The following TRAPPC13 variants were observed in gnomAD, a reference collection of about 807,000 sequenced individuals.
The protein encoded by TRAPPC13 is trafficking protein particle complex subunit 13.
In TRAPPC13, 39 loss-of-function variants were observed where a neutral mutation model predicts 54.0. The ratio of observed to expected loss-of-function variants is 0.72; its 90% CI spans 0.56 to 0.94. The LOEUF is 0.94. TRAPPC13 is among the 40% of genes least tolerant of loss of function. The pLI is 0.00. For missense variants in TRAPPC13, 386 were observed against 488.1 expected (o/e 0.79, Z 1.97); for synonymous variants, 148 against 167.7 (o/e 0.88, Z 0.91).
chr5:65,652,594 A>G, intron 7 of TRAPPC13, 49 bp downstream of exon 7: 1 of 1,335,770 alleles, frequency 7.5e-7, no homozygotes, highest in South Asian at 1.2e-5. Flanking sequence ...TTAAGATCGT[A>G]TTTGACTAAA....
intron 7 of TRAPPC13, among the ~76,000 whole-genome samples, chr5:65,654,715 C>G (rs914004249): frequency 1.3e-5 from 2 of 152,110 alleles, no homozygotes; most frequent in Admixed American, 1.3e-4. Context: ...TCTAATAATG[C>G]TGTAATATGT....
At chr5:65,632,886 C>T (rs1205599570) in intron 1 of TRAPPC13, among the ~76,000 whole-genome samples, 1 of 152,112 alleles carries the variant, frequency 6.6e-6, no homozygotes, top group Non-Finnish European at 1.5e-5. Flanking sequence ...AAAATAATGT[C>T]AGTTATTTAG....
In TRAPPC13 at chr5:65,665,652, T is replaced by C. The variant is rs1757012181; in HGVS notation, c.*1041T>C. The C allele has an allele frequency of 6.6e-6, 1 of 152,156 alleles. No homozygotes were observed. 9.4% of individuals were successfully genotyped at this position (152,156 alleles called of 1,614,324 possible). A position where few individuals can be genotyped will look rare whatever the true frequency, so the allele number is the denominator to read the frequency against. On this transcript the variant is annotated 3_prime_UTR_variant, in exon 13 of 13. Transcript: ENST00000399438. ...ATTTTTATAAGGTATATTTAAATAA[T>C]TCCCATCTTCTGATATGATTTTAAA...
In TRAPPC13 at chr5:65,635,389, C is replaced by T. The variant is rs770917189; in HGVS notation, c.115+20C>T. Reference sequence around the variant, plus strand: ...TACCTGGTATGGCACATGCTTTCCTCTATTTGCACCTAGGGAAAGGTTGAA... The same window carrying T: ...TACCTGGTATGGCACATGCTTTCCTTTATTTGCACCTAGGGAAAGGTTGAA... On this transcript the variant is annotated intron_variant, in intron 2 of 12. Coordinates refer to ENST00000399438, the MANE Select transcript of TRAPPC13 (RefSeq NM_024941.4). The T allele has an allele frequency of 1.9e-6, 3 of 1,594,708 alleles. No individual in the cohort carries two copies. The highest frequency in any genetic ancestry group is 4.5e-5 in the East Asian group (2 of 44,664).
At chr5:65,638,217 T>C (rs1755835683) in intron 4 of TRAPPC13, among the ~76,000 whole-genome samples, 1 of 152,216 alleles carries the variant, frequency 6.6e-6, no homozygotes, top group Admixed American at 6.5e-5. Flanking sequence ...TTAATTGTCA[T>C]TAACAAGCAC....
intron 4 of TRAPPC13, among the ~76,000 whole-genome samples, chr5:65,644,422 AC>A (rs1756101645): frequency 6.6e-6 from 1 of 152,132 alleles, no homozygotes; most frequent in African/African-American, 2.4e-5. Flanking sequence ...TGTTCAACTT[AC>A]TTAGAATAAG....
intron 4 of TRAPPC13, among the ~76,000 whole-genome samples, chr5:65,640,813 T>C (rs1755936088): frequency 1.3e-5 from 2 of 152,216 alleles, no homozygotes; most frequent in Admixed American, 1.3e-4. Flanking sequence ...AAACATGATT[T>C]TATATTTCAT....
chr5:65,639,379 GC>G (rs1755882559), intron 4 of TRAPPC13, among the ~76,000 whole-genome samples: 1 of 151,990 alleles, frequency 6.6e-6, no homozygotes, highest in Admixed American at 6.6e-5. Flanking sequence ...AAAAAAACAG[GC>G]CTGGCACAGT....
chr5:65,638,902 G>A (rs1165195094), intron 4 of TRAPPC13, among the ~76,000 whole-genome samples: 1 of 152,066 alleles, frequency 6.6e-6, no homozygotes, highest in African/African-American at 2.4e-5. Context: ...TGCCCAACGT[G>A]GTGAAATACC....
At position 65,640,003 on chromosome 5, in the gene TRAPPC13, C is replaced by T. The variant is rs561006265; in HGVS notation, c.300+2223C>T. Among the ~76,000 whole-genome samples the T allele has an allele frequency of 7.2e-5, 11 of 152,188 alleles. No homozygotes were observed. The East Asian group carries it at 1.5e-3, about 21-fold the overall frequency. ...CATAGAGTTTTAAAGTTAACAAGGA[C>T]GTTAGAGAGCAAATAGACCCAACTT... On this transcript the variant is annotated intron_variant, in intron 4 of 12. Coordinates refer to ENST00000399438, the MANE Select transcript of TRAPPC13 (RefSeq NM_024941.4).
chr5:65,647,396 A>AT (rs1224689592), intron 5 of TRAPPC13, among the ~76,000 whole-genome samples: 1 of 152,012 alleles, frequency 6.6e-6, no homozygotes, highest in Non-Finnish European at 1.5e-5. Flanking sequence ...CTCTAGTTTT[A>AT]TTTTTTTACA....
At chr5:65,650,293 C>T (rs1756379711) in intron 5 of TRAPPC13, among the ~76,000 whole-genome samples, 1 of 150,982 alleles carries the variant, frequency 6.6e-6, no homozygotes, top group Non-Finnish European at 1.5e-5. Flanking sequence ...TCCTGAGTAG[C>T]TGGGATTACA....
chr5:65,649,981 C>T (rs1460679441), intron 5 of TRAPPC13, among the ~76,000 whole-genome samples: 4 of 150,624 alleles, frequency 2.7e-5, no homozygotes, highest in African/African-American at 7.3e-5. Context: ...CTCAGACTCC[C>T]GAGTAGCTGG....
chr5:65,636,231 C>T (rs1182096330), intron 3 of TRAPPC13, among the ~76,000 whole-genome samples, 188 bp downstream of exon 3: 1 of 151,450 alleles, frequency 6.6e-6, no homozygotes, highest in South Asian at 2.1e-4. Context: ...GCAACCTCCA[C>T]CTCCTGGGTT....
chr5:65,627,502 C>T (rs911897135), intron 1 of TRAPPC13, among the ~76,000 whole-genome samples: 1 of 152,006 alleles, frequency 6.6e-6, no homozygotes, highest in African/African-American at 2.4e-5. Flanking sequence ...TGATGGTGTG[C>T]ACCAGTGGTC....
At chr5:65,645,568 G>A (rs1306458804) in intron 4 of TRAPPC13, among the ~76,000 whole-genome samples, 2 of 152,184 alleles carry the variant, frequency 1.3e-5, no homozygotes, top group African/African-American at 2.4e-5. Flanking sequence ...ACTTTGGGAG[G>A]CCGAGGCGGG....
chr5:65,632,392 GCCT>G (rs1194354107), intron 1 of TRAPPC13, among the ~76,000 whole-genome samples: 2 of 152,090 alleles, frequency 1.3e-5, no homozygotes, highest in Non-Finnish European at 2.9e-5. Flanking sequence ...GGTTGGAAAC[GCCT>G]CCCCATATTC....
intron 4 of TRAPPC13, among the ~76,000 whole-genome samples, chr5:65,641,077 G>A (rs1755947665): frequency 1.3e-5 from 2 of 151,948 alleles, no homozygotes; most frequent in African/African-American, 4.8e-5. Context: ...GGGATTGCAG[G>A]GGTGTGACAC....
intron 1 of TRAPPC13, among the ~76,000 whole-genome samples, chr5:65,628,308 TGAG>T (rs1354888009): frequency 1.3e-5 from 2 of 152,182 alleles, no homozygotes; most frequent in African/African-American, 2.4e-5. Flanking sequence ...GCCTGGATTA[TGAG>T]GAGAAGACAG....
Sources: allele counts gnomAD v4.1 joint callset (sites outside exome capture counted in the v4.1 genomes callset), GRCh38; gene constraint gnomAD v4.1.1; transcripts MANE v1.5; gene names NCBI Gene and HGNC (gene_info 2026-07-23, HGNC 2026-07-21).